CARNS1: variants seen among roughly 807,000 people sequenced by gnomAD.
CARNS1 encodes the protein carnosine synthase 1.
A neutral mutation model predicts 74.0 loss-of-function variants in CARNS1; 61 were observed. The ratio of observed to expected loss-of-function variants is 0.82; its 90% CI spans 0.67 to 1.02. The LOEUF (loss-of-function observed/expected upper bound fraction) is 1.02. CARNS1 is among the 50% of genes least tolerant of loss of function. The pLI is 0.00. For missense variants in CARNS1, 1,278 were observed against 1,308.4 expected (o/e 0.98, Z 0.36); for synonymous variants, 568 against 605.5 (o/e 0.94, Z 0.91).
chr11:67,422,682 T>C (rs763225986), intron 9 of CARNS1, among the ~76,000 whole-genome samples: 4 of 152,210 alleles, frequency 2.6e-5, no homozygotes, highest in Non-Finnish European at 4.4e-5. Context: ...CATCTCAAGC[T>C]GGCCCTAATC....
intron 4 of CARNS1, 93 bp from the exon 5 acceptor site, chr11:67,418,663 T>G: frequency 1.4e-6 from 2 of 1,462,758 alleles, no homozygotes; most frequent in Non-Finnish European, 9.1e-7. Context: ...GGGGATGGGT[T>G]CTGGGATCAG....
Position 67,424,029 on chromosome 11 carries a change from A to C in CARNS1, c.2281A>C (p.Thr761Pro). ...TGGCCCTACGAGGCTGCCTGGCTTC[A>C]CTGAGACGGCGGCCTGCATGCCCAC... ...DNGPTRLPGF[T>P]ETAACMPTGL... Residue 761 changes from threonine (T) to proline (P), a missense_variant, in exon 10 of 10, where the codon ACT becomes CCT. Thr to Pro is a conservative substitution (Grantham distance 38). Transcript: ENST00000687366. 1 of 1,612,822 alleles carries C rather than the reference A, an allele frequency of 6.2e-7. No homozygotes were observed. The highest frequency in any genetic ancestry group is 8.5e-7 in the Non-Finnish European group (1 of 1,179,740).
intron 9 of CARNS1, among the ~76,000 whole-genome samples, chr11:67,421,755 T>G (rs929466864): frequency 6.6e-6 from 1 of 152,104 alleles, no homozygotes; most frequent in Non-Finnish European, 1.5e-5. Flanking sequence ...TGAGACAGGG[T>G]CTCAATCTGT....
chr11:67,419,397 A>T (rs962034414), intron 5 of CARNS1, 90 bp from the exon 6 acceptor site: 12 of 1,532,176 alleles, frequency 7.8e-6, no homozygotes, highest in Admixed American at 3.9e-5. Context: ...CTTTTGCCTC[A>T]GTTTACTCAC....
chr11:67,419,103 C>A lies in CARNS1; in HGVS notation c.712C>A (p.Pro238Thr). 2 of 1,569,776 alleles carry A rather than the reference C, an allele frequency of 1.3e-6. No individual in the cohort carries two copies. The highest frequency in any genetic ancestry group is 8.6e-7 in the Non-Finnish European group (1 of 1,156,950). ...VPATLAFTYK[P>T]PGLLRGGDAS... ...AGCAACCCTGGCTTTCACCTACAAG[C>A]CGCCGGGGCTGCTGCGGGGAGGGGA... Residue 238 changes from proline to threonine, a missense_variant, in exon 5 of 10, where the codon CCG becomes ACG. Coordinates refer to ENST00000687366, the MANE Select transcript of CARNS1 (RefSeq NM_001166222.2).
In CARNS1 at chr11:67,419,804, G is replaced by A. The variant is rs767338065; in HGVS notation, c.1079G>A (p.Cys360Tyr). Reference sequence around the variant, plus strand: ...GCCGTGCGAATCTGTGCTGTGGTGTGTCGGACACAGGGTGATAGGCCACTG... The same window carrying A: ...GCCGTGCGAATCTGTGCTGTGGTGTATCGGACACAGGGTGATAGGCCACTG... ...GLAVRICAVV[C>Y]RTQGDRPLLS... Residue 360 changes from cysteine (C) to tyrosine (Y), a missense_variant, in exon 7 of 10, where the codon TGT (cysteine) becomes TAT (tyrosine). By Grantham distance (194) the Cys-to-Tyr change is radical. Around this residue, in one of 3 missense-constraint regions of CARNS1, gnomAD observed 1,164 missense variants for 1,156.5 expected, o/e 1.01. Coordinates refer to ENST00000687366, the MANE Select transcript of CARNS1 (RefSeq NM_001166222.2). 9.4e-6 allele frequency: 15 copies of A among 1,599,122 alleles called. No homozygotes were observed. The highest frequency in any genetic ancestry group is 7.9e-5 in the South Asian group (7 of 88,370).
intron 2 of CARNS1, 33 bp from the exon 3 acceptor site, chr11:67,417,374 C>T (rs1266770336): frequency 7.7e-7 from 1 of 1,300,268 alleles, no homozygotes; most frequent in African/African-American, 1.5e-5. Context: ...ACTGGCCCAC[C>T]CTGCCCAAGA....
intron 2 of CARNS1, 168 bp from the exon 3 acceptor site, chr11:67,417,239 C>G (rs887340115): frequency 1.6e-6 from 2 of 1,235,916 alleles, no homozygotes; most frequent in Non-Finnish European, 1.0e-6. Context: ...GTTGCGTTCC[C>G]ATTAACAAGC....
chr11:67,419,415 T>C (rs749893740), intron 5 of CARNS1, 72 bp from the exon 6 acceptor site: 2 of 1,563,060 alleles, frequency 1.3e-6, no homozygotes, highest in East Asian at 2.3e-5. Context: ...CACCGGCTCC[T>C]GTGGCGGAAG....
At chr11:67,418,588 A>G (rs1863607337) in intron 4 of CARNS1, 68 bp downstream of exon 4, 1 of 1,462,586 alleles carries the variant, frequency 6.8e-7, no homozygotes, top group East Asian at 2.5e-5. Context: ...GCCCAGCCAC[A>G]TCCCAAAATA....
chr11:67,418,824 G>A lies in CARNS1; in HGVS notation c.433G>A (p.Ala145Thr). ...GCCAGCACCCGGGCAGCCGGGTGAGGCAGCCCTGCTAGTCTCCAAGGCTGT... is the reference window on the plus strand; with the variant it reads ...GCCAGCACCCGGGCAGCCGGGTGAGACAGCCCTGCTAGTCTCCAAGGCTGT... Reference protein sequence around the residue: ...KVPAPGQPGEAALLVSKAVSF... With the variant: ...KVPAPGQPGETALLVSKAVSF... The change falls in exon 5 of 10, where the codon GCA (alanine) becomes ACA (threonine). Residue 145 changes from alanine to threonine, a missense_variant. By Grantham distance (58) the Ala-to-Thr change is moderately conservative (BLOSUM62 0). Transcript: ENST00000687366. 6.2e-7 allele frequency: 1 copy of A among 1,601,132 alleles called. No individual in the cohort carries two copies.
intron 4 of CARNS1, 111 bp downstream of exon 4, chr11:67,418,631 C>G (rs747111880): frequency 7.0e-7 from 1 of 1,433,200 alleles, no homozygotes; most frequent in Non-Finnish European, 9.3e-7. Context: ...TGCATTCCAC[C>G]GGAGCAGCTG....
chr11:67,419,912 G>A, intron 7 of CARNS1, 74 bp downstream of exon 7: 3 of 1,464,366 alleles, frequency 2.0e-6, no homozygotes, highest in East Asian at 2.5e-5. Flanking sequence ...GGTTTGCCAA[G>A]GGCCCCTGAG....
chr11:67,418,666 G>A lies in CARNS1; in HGVS notation c.365-90G>A, dbSNP rs1863608383. On this transcript the variant is annotated intron_variant, in intron 4 of 9. Coordinates refer to ENST00000687366, the MANE Select transcript of CARNS1 (RefSeq NM_001166222.2). ...GCCATGCTGAATGGGGATGGGTTCTGGGATCAGCTGCTTCCACTCCGCTAC... is the reference window on the plus strand; with the variant it reads ...GCCATGCTGAATGGGGATGGGTTCTAGGATCAGCTGCTTCCACTCCGCTAC... 3 of 1,462,984 alleles carry A rather than the reference G, an allele frequency of 2.1e-6. No individual in the cohort carries two copies. The East Asian group carries it at 7.5e-5, about 36-fold the overall frequency. The allele number at this position is 1,462,984 out of a possible 1,614,324, so 90.6% of individuals were successfully genotyped here.
rs374353112 is a variant in CARNS1 at position 67,423,951 on chromosome 11, G to A, written c.2203G>A (p.Val735Met). 21 of 1,613,470 alleles carry A rather than the reference G, an allele frequency of 1.3e-5. No individual in the cohort carries two copies. The highest frequency in any genetic ancestry group is 5.5e-5 in the South Asian group (5 of 91,084). Residue 735 changes from valine (V) to methionine (M), a missense_variant, in exon 10 of 10, where the codon GTG becomes ATG. Val to Met is a conservative substitution (Grantham distance 21, BLOSUM62 1). This residue lies in a region of CARNS1 where 1,164 missense variants were observed against 1,156.5 expected (regional missense o/e 1.01). Coordinates refer to ENST00000687366, the MANE Select transcript of CARNS1 (RefSeq NM_001166222.2). This position sits in a 1 kb window ranked among gnomAD's most constrained non-coding sequence, Gnocchi z 5.1. ...MEFVEGTEHD[V>M]DLVLFGGRLL... ...GTTTGTGGAGGGCACCGAGCACGAC[G>A]TGGACCTGGTGTTGTTTGGTGGGCG... is the stretch of plus-strand genomic sequence containing the variant.
chr11:67,425,105 G>A lies in CARNS1; in HGVS notation c.*504G>A. 1 of 457,066 alleles carries A rather than the reference G, an allele frequency of 2.2e-6. No homozygotes were observed. The highest frequency in any genetic ancestry group is 4.4e-6 in the Non-Finnish European group (1 of 227,630). The allele number at this position is 457,066 out of a possible 1,614,324, so 28.3% of individuals were successfully genotyped here. On this transcript the variant is annotated 3_prime_UTR_variant, in exon 10 of 10. Coordinates refer to ENST00000687366, the MANE Select transcript of CARNS1 (RefSeq NM_001166222.2). ...CTCTGAAGCCTGCTGGAAACTTGGT[G>A]GCATCCAACCTGCCTCATTCGGCCT...
intron 1 of CARNS1, 176 bp downstream of exon 1, chr11:67,415,939 A>C: frequency 6.0e-5 from 18 of 301,274 alleles, no homozygotes; most frequent in Middle Eastern, 1.1e-3. Flanking sequence ...GGGCAGAGCC[A>C]AGCCCGGACC....
chr11:67,416,348 A>C (rs1590956117), intron 2 of CARNS1, 146 bp downstream of exon 2: 1 of 1,461,866 alleles, frequency 6.8e-7, no homozygotes, highest in African/African-American at 1.4e-5. Flanking sequence ...CCCCACCCCC[A>C]CCCTGCGGCT....
chr11:67,417,606 G>C lies in CARNS1; in HGVS notation c.203G>C (p.Ser68Thr). ...CGGGCTTGGACTGTCTACTACTACAGCCTCCTGCAGAGCTGTCTGCAGCAA... is the reference window on the plus strand; with the variant it reads ...CGGGCTTGGACTGTCTACTACTACACCCTCCTGCAGAGCTGTCTGCAGCAA... Reference protein sequence around the residue: ...EARAWTVYYYSLLQSCLQQAG... With the variant: ...EARAWTVYYYTLLQSCLQQAG... Residue 68 changes from serine to threonine, a missense_variant, in exon 3 of 10, where the codon AGC (serine) becomes ACC (threonine). By Grantham distance (58) the Ser-to-Thr change is moderately conservative. Coordinates refer to ENST00000687366, the MANE Select transcript of CARNS1 (RefSeq NM_001166222.2). 11 of 1,297,856 alleles carry C rather than the reference G, an allele frequency of 8.5e-6. No individual in the cohort carries two copies. The highest frequency in any genetic ancestry group is 1.1e-5 in the Non-Finnish European group (11 of 1,021,260). The allele number at this position is 1,297,856 out of a possible 1,614,324, so 80.4% of individuals were successfully genotyped here. A position where few individuals can be genotyped will look rare whatever the true frequency, so the allele number is the denominator to read the frequency against.
Sources: gnomAD v4.1 joint callset for allele counts (sites outside exome capture counted in the v4.1 genomes callset) on GRCh38, gnomAD v4.1.1 for gene constraint, gnomAD v4.1.1 regional missense constraint, Gnocchi (gnomAD v3.1) non-coding constraint, MANE v1.5 for transcripts, NCBI Gene and HGNC (gene_info 2026-07-23, HGNC 2026-07-21) for gene names.